PCDH15: variants seen among roughly 807,000 people sequenced by gnomAD.
PCDH15 encodes protocadherin related 15.
A neutral mutation model predicts 178.5 loss-of-function variants in PCDH15; 129 were observed. The observed-to-expected ratio is 0.72, with a 90% CI of 0.63 to 0.84. The LOEUF is 0.84. PCDH15 is among the 40% of genes least tolerant of loss of function. PCDH15 has a pLI of 0.00. For missense variants in PCDH15, 2,230 were observed against 2,099.9 expected (o/e 1.06, Z -1.21); for synonymous variants, 800 against 732.0 (o/e 1.09, Z -1.50).
At chr10:54,527,648 A>C (rs2083482225) in intron 3 of PCDH15, among the ~76,000 whole-genome samples, 164 bp downstream of exon 3, 1 of 152,136 alleles carries the variant, frequency 6.6e-6, no homozygotes, top group South Asian at 2.1e-4. Flanking sequence ...GTAAAGCATG[A>C]ATTTCCAGAG....
chr10:54,075,609 TTTC>T (rs1802034960), intron 17 of PCDH15, among the ~76,000 whole-genome samples: 1 of 152,138 alleles, frequency 6.6e-6, no homozygotes, highest in Non-Finnish European at 1.5e-5. Context: ...TGCCCTATGT[TTTC>T]TTCTAAGAGT....
chr10:54,857,099 A>C (rs925139330), intron 3 of PCDH15, among the ~76,000 whole-genome samples: 4 of 152,178 alleles, frequency 2.6e-5, no homozygotes, highest in Non-Finnish European at 5.9e-5. Flanking sequence ...AGTGCTTGTT[A>C]CATACCCATT....
chr10:54,717,332 A>C (rs1442133414), intron 1 of PCDH15, among the ~76,000 whole-genome samples: 2 of 118,174 alleles, frequency 1.7e-5, no homozygotes, highest in African/African-American at 6.8e-5. Context: ...CAACCTACAA[A>C]ATGGGAGAAA....
At chr10:54,525,902 A>G (rs948843982) in intron 3 of PCDH15, among the ~76,000 whole-genome samples, 3 of 152,234 alleles carry the variant, frequency 2.0e-5, no homozygotes, top group African/African-American at 7.2e-5. Context: ...TTTGATCACC[A>G]TATTTTTAGA....
In PCDH15 at chr10:54,733,145, C is replaced by G. The variant is rs149076612; in HGVS notation, c.-29+67780G>C. Among the ~76,000 whole-genome samples the G allele has an allele frequency of 1.7e-4, 26 of 151,402 alleles. No homozygotes were observed. In the East Asian group the frequency reaches 4.7e-3, roughly 27 times the overall value. The stretch of plus-strand genomic sequence containing the variant: ...TTGGAACCTAGACAGTAAAATAAGA[C>G]AAAGAAAATTAATAAAATCCTCCAG... On this transcript the variant is annotated intron_variant, in intron 1 of 37. Transcript: ENST00000644397.
chr10:54,407,431 GA>G (rs35681398), intron 3 of PCDH15, among the ~76,000 whole-genome samples: 1 of 151,960 alleles, frequency 6.6e-6, no homozygotes, highest in East Asian at 1.9e-4. Context: ...AGGAATAGTT[GA>G]AAAAATAGTC....
chr10:53,912,555 G>T (rs577323759), intron 25 of PCDH15, among the ~76,000 whole-genome samples: 1 of 151,980 alleles, frequency 6.6e-6, no homozygotes, highest in African/African-American at 2.4e-5. Context: ...CCATTGTCTC[G>T]GCCCAAAATC....
chr10:55,271,951 G>C (rs1842455947), intron 1 of PCDH15, among the ~76,000 whole-genome samples: 1 of 152,064 alleles, frequency 6.6e-6, no homozygotes, highest in Non-Finnish European at 1.5e-5. Flanking sequence ...ATTTAGACAG[G>C]AGTGACATAT....
At chr10:55,361,123 A>C (rs1382962756) in intron 2 of PCDH15, among the ~76,000 whole-genome samples, 1 of 152,016 alleles carries the variant, frequency 6.6e-6, no homozygotes, top group Non-Finnish European at 1.5e-5. Context: ...TGATATCATT[A>C]ATATAAAGTT....
chr10:53,974,697 T>C (rs969558480), intron 21 of PCDH15, among the ~76,000 whole-genome samples: 1 of 152,168 alleles, frequency 6.6e-6, no homozygotes, highest in African/African-American at 2.4e-5. Context: ...TTCATTCTTC[T>C]ATTTAGCTGA....
chr10:53,858,621 G>C (rs2078908952), intron 27 of PCDH15, among the ~76,000 whole-genome samples: 1 of 152,154 alleles, frequency 6.6e-6, no homozygotes, highest in African/African-American at 2.4e-5. Flanking sequence ...AATCATGTCT[G>C]AAGACTGTAT....
At chr10:54,870,581 C>A (rs928840747) in intron 3 of PCDH15, among the ~76,000 whole-genome samples, 5 of 151,914 alleles carry the variant, frequency 3.3e-5, no homozygotes, top group African/African-American at 1.2e-4. Context: ...GTCAGGAGAT[C>A]GAGCCCATCC....
intron 32 of PCDH15, among the ~76,000 whole-genome samples, chr10:53,826,284 A>T (rs999072320): frequency 6.6e-6 from 1 of 152,042 alleles, no homozygotes; most frequent in Non-Finnish European, 1.5e-5. Context: ...GTGTTAAAAT[A>T]ATAGCATTAA....
At chr10:55,363,301 A>G in intron 2 of PCDH15, among the ~76,000 whole-genome samples, 1 of 152,204 alleles carries the variant, frequency 6.6e-6, no homozygotes, top group African/African-American at 2.4e-5. Flanking sequence ...AGTTAAACAC[A>G]GTTTTACCAG....
intron 3 of PCDH15, among the ~76,000 whole-genome samples, chr10:54,393,560 C>G (rs2135360856): frequency 6.6e-6 from 1 of 152,316 alleles, no homozygotes; most frequent in East Asian, 1.9e-4. Context: ...ACTCATTATT[C>G]AAGCTTATTT....
intron 20 of PCDH15, among the ~76,000 whole-genome samples, chr10:54,002,732 C>A (rs2092219894): frequency 6.6e-6 from 1 of 152,082 alleles, no homozygotes; most frequent in Non-Finnish European, 1.5e-5. Flanking sequence ...TCACAAAAGA[C>A]CCCTGTGACT....
intron 18 of PCDH15, among the ~76,000 whole-genome samples, chr10:54,065,645 G>T (rs796825214): frequency 7.2e-5 from 11 of 152,278 alleles, no homozygotes; most frequent in African/African-American, 2.4e-4. Context: ...AACATATAAG[G>T]TTATGTATGC....
At chr10:55,093,255 G>A (rs1842360230) in intron 2 of PCDH15, among the ~76,000 whole-genome samples, 1 of 151,970 alleles carries the variant, frequency 6.6e-6, no homozygotes, top group Non-Finnish European at 1.5e-5. Flanking sequence ...TTTATGTGAT[G>A]AACCTAGCTA....
intron 32 of PCDH15, chr10:53,821,591 A>C: frequency 8.5e-7 from 1 of 1,177,458 alleles, no homozygotes; most frequent in Non-Finnish European, 1.1e-6. Flanking sequence ...TTCCCACTAA[A>C]AAAGAGATTA....
Sources: gnomAD v4.1 joint callset for allele counts (sites outside exome capture counted in the v4.1 genomes callset) on GRCh38, gnomAD v4.1.1 for gene constraint, MANE v1.5 for transcripts, NCBI Gene and HGNC (gene_info 2026-07-23, HGNC 2026-07-21) for gene names.